FTO: variants seen among roughly 807,000 people sequenced by gnomAD.
The protein encoded by FTO is alpha-ketoglutarate-dependent dioxygenase FTO.
Under a neutral mutation model 63.9 loss-of-function variants are expected in FTO, and 47 were observed. That is an observed-to-expected ratio of 0.74 (90% confidence interval 0.58 to 0.94). The LOEUF is 0.94. Among genes scored for constraint, FTO ranks in the 40% least tolerant of loss-of-function variants. The pLI, the probability that FTO is intolerant of heterozygous loss-of-function variation, is 0.00. For synonymous variants in FTO, 207 were observed against 224.4 expected, an observed-to-expected ratio of 0.92 and a Z score of 0.69; for missense variants, 562 against 618.1, an observed-to-expected ratio of 0.91 and a Z score of 0.96.
At chr16:54,055,674 G>C (rs1199990144) in intron 8 of FTO, among the ~76,000 whole-genome samples, 9 of 152,058 alleles carry the variant, frequency 5.9e-5, no homozygotes, top group Non-Finnish European at 4.4e-5. Context: ...TCGATTCTTG[G>C]ATTAAAAAAC....
Position 53,895,534 on chromosome 16 carries a change from G to C in FTO, c.1239+6583G>C, listed in dbSNP as rs528876974. Among the ~76,000 whole-genome samples the C allele has an allele frequency of 2.6e-5, 4 of 152,286 alleles. No homozygotes were observed. The East Asian group carries it at 7.7e-4, about 29-fold the overall frequency. The stretch of plus-strand genomic sequence containing the variant: ...ACAGATACTGTGCAGCAGAAAAAAG[G>C]GATACTTATGTTTCTTAAAGCTGCT... On this transcript the variant is annotated intron_variant, in intron 7 of 8. Transcript: ENST00000471389.
intron 1 of FTO, among the ~76,000 whole-genome samples, chr16:53,751,802 A>C (rs1472008040): frequency 6.6e-6 from 1 of 152,174 alleles, no homozygotes; most frequent in African/African-American, 2.4e-5. Flanking sequence ...TGTTACGTGA[A>C]TTACATCTCA....
chr16:54,112,174 G>A lies in FTO; in HGVS notation c.*259G>A, dbSNP rs575104876. ...CAGATTATAAAATGTGAGCCATTCA[G>A]CCCCCAAGGTCCAGGGCAGGCGACA... On this transcript the variant is annotated 3_prime_UTR_variant, in exon 9 of 9. Coordinates refer to ENST00000471389, the MANE Select transcript of FTO (RefSeq NM_001080432.3). The A allele has an allele frequency of 1.7e-4, 82 of 482,838 alleles. 2 individuals are homozygous for A. The highest frequency in any genetic ancestry group is 1.5e-3 in the South Asian group (74 of 48,124). 29.9% of individuals were successfully genotyped at this position (482,838 alleles called of 1,614,324 possible).
intron 8 of FTO, among the ~76,000 whole-genome samples, chr16:53,982,961 G>A (rs1157622899): frequency 1.3e-5 from 2 of 152,140 alleles, no homozygotes; most frequent in South Asian, 2.1e-4. Flanking sequence ...AACAGGGTCA[G>A]AGGTCAGGTT....
chr16:53,957,046 C>CT (rs1369614895), intron 8 of FTO, among the ~76,000 whole-genome samples: 1 of 152,148 alleles, frequency 6.6e-6, no homozygotes, highest in Non-Finnish European at 1.5e-5. Flanking sequence ...GGATCCTTTC[C>CT]TTAGATTATC....
chr16:53,825,885 C>T lies in FTO; in HGVS notation c.145C>T (p.Leu49=), dbSNP rs753178443. The T allele has an allele frequency of 3.1e-6, 5 of 1,613,848 alleles. No homozygotes were observed. Among genetic ancestry groups the T allele is most frequent in the South Asian group, 2.2e-5 (2 of 91,088 alleles). The part of the protein sequence containing the change: ...YQQWQLKYPK[L]ILREASSVSE... The stretch of plus-strand genomic sequence containing the variant: ...TTAGTGGCAGCTGAAATATCCTAAA[C>T]TAATTCTCCGAGAAGCCAGCAGTGT... The change falls in exon 3 of 9, where the codon CTA becomes TTA. Residue 49 remains leucine, a synonymous_variant. Coordinates refer to ENST00000471389, the MANE Select transcript of FTO (RefSeq NM_001080432.3).
At chr16:54,021,241 T>A (rs1411431938) in intron 8 of FTO, among the ~76,000 whole-genome samples, 1 of 152,142 alleles carries the variant, frequency 6.6e-6, no homozygotes, top group African/African-American at 2.4e-5. Context: ...GGAGAAGAGC[T>A]TAAAACAATA....
In FTO at chr16:53,844,028, G is replaced by T. The variant is rs1357783697; in HGVS notation, c.752-127G>T. On this transcript the variant is annotated intron_variant, in intron 3 of 8. Coordinates refer to ENST00000471389, the MANE Select transcript of FTO (RefSeq NM_001080432.3). ...TATCTTTTTAAAAATATGACATAAA[G>T]GGAAGATATATTTCATTTAATATTC... 5.4e-6 allele frequency: 4 copies of T among 738,364 alleles called. No individual in the cohort carries two copies. The East Asian group carries it at 8.4e-5, about 16-fold the overall frequency. The allele number at this position is 738,364 out of a possible 1,614,324, so 45.7% of individuals were successfully genotyped here.
At chr16:53,862,302 C>T (rs1332946669) in intron 4 of FTO, among the ~76,000 whole-genome samples, 1 of 152,068 alleles carries the variant, frequency 6.6e-6, no homozygotes, top group Non-Finnish European at 1.5e-5. Context: ...GGATATCGTT[C>T]TGTGACCTCT....
At chr16:54,066,164 A>C (rs2085725785) in intron 8 of FTO, among the ~76,000 whole-genome samples, 1 of 152,218 alleles carries the variant, frequency 6.6e-6, no homozygotes, top group Non-Finnish European at 1.5e-5. Context: ...GGGATTCCCC[A>C]TAGCATTTTT....
At chr16:53,876,148 G>A (rs1386698785) in intron 5 of FTO, among the ~76,000 whole-genome samples, 2 of 152,142 alleles carry the variant, frequency 1.3e-5, no homozygotes, top group African/African-American at 4.8e-5. Flanking sequence ...TACAGTTAAA[G>A]TCTCTTTCTC....
At chr16:53,996,700 A>C (rs2083938678) in intron 8 of FTO, among the ~76,000 whole-genome samples, 1 of 152,160 alleles carries the variant, frequency 6.6e-6, no homozygotes, top group South Asian at 2.1e-4. Context: ...CACAGGGCTG[A>C]GGAGGCCTCA....
At chr16:53,975,537 C>T (rs544910695) in intron 8 of FTO, among the ~76,000 whole-genome samples, 13 of 151,954 alleles carry the variant, frequency 8.6e-5, no homozygotes, top group Non-Finnish European at 1.8e-4. Context: ...TAAATATTGG[C>T]TTTCTTCCCT....
chr16:53,799,357 T>C (rs1001649059), intron 1 of FTO, among the ~76,000 whole-genome samples: 2 of 152,204 alleles, frequency 1.3e-5, no homozygotes, highest in African/African-American at 2.4e-5. Context: ...ATTTCATTAA[T>C]AGATATAGGA....
At chr16:53,769,235 A>T (rs2077278882) in intron 1 of FTO, among the ~76,000 whole-genome samples, 1 of 152,110 alleles carries the variant, frequency 6.6e-6, no homozygotes, top group South Asian at 2.1e-4. Context: ...GAGAGGGGAG[A>T]TGAAAATGGA....
chr16:54,077,331 A>G (rs1308953784), intron 8 of FTO, among the ~76,000 whole-genome samples: 1 of 152,186 alleles, frequency 6.6e-6, no homozygotes, highest in Non-Finnish European at 1.5e-5. Flanking sequence ...GGGGCCCAGT[A>G]AACGCTGTGT....
At chr16:53,986,160 A>G (rs1488478852) in intron 8 of FTO, among the ~76,000 whole-genome samples, 1 of 152,222 alleles carries the variant, frequency 6.6e-6, no homozygotes, top group Non-Finnish European at 1.5e-5. Context: ...CATTGCTCTA[A>G]CACTTCATAA....
chr16:53,821,010 A>G (rs2078852095), intron 2 of FTO, among the ~76,000 whole-genome samples: 3 of 152,098 alleles, frequency 2.0e-5, no homozygotes, highest in Non-Finnish European at 4.4e-5. Context: ...TTTTATGTCA[A>G]GGTATTTACA....
intron 8 of FTO, among the ~76,000 whole-genome samples, chr16:53,958,423 C>G (rs528343606): frequency 6.6e-6 from 1 of 152,064 alleles, no homozygotes; most frequent in Non-Finnish European, 1.5e-5. Flanking sequence ...AGCTGGCGGC[C>G]GGCTTTTACA....
Sources: gnomAD v4.1 joint callset for allele counts (sites outside exome capture counted in the v4.1 genomes callset) on GRCh38, gnomAD v4.1.1 for gene constraint, MANE v1.5 for transcripts, NCBI Gene and HGNC (gene_info 2026-07-23, HGNC 2026-07-21) for gene names.